Variants in QSOX2 observed in about 807,000 individuals in gnomAD.
QSOX2 encodes the protein sulfhydryl oxidase 2.
In QSOX2, 46 loss-of-function variants were observed where a neutral mutation model predicts 61.7. The observed-to-expected ratio is 0.75, with a 90% CI of 0.59 to 0.95. The LOEUF is 0.95. Among genes scored for constraint, QSOX2 ranks in the 40% least tolerant of loss-of-function variants. The pLI, the probability that QSOX2 is intolerant of heterozygous loss-of-function variation, is 0.00. For synonymous variants in QSOX2, 383 were observed against 388.4 expected, an observed-to-expected ratio of 0.99 and a Z score of 0.16; for missense variants, 879 against 918.9, an observed-to-expected ratio of 0.96 and a Z score of 0.56.
chr9:136,218,571 G>A, intron 8 of QSOX2, 108 bp downstream of exon 8: 5 of 1,321,400 alleles, frequency 3.8e-6, no homozygotes, highest in South Asian at 1.5e-5. Context: ...AAGGTGGAGA[G>A]CACCTCAGCG....
chr9:136,209,268 C>T lies in QSOX2; in HGVS notation c.1557G>A (p.Leu519=), dbSNP rs779554999. 8 of 1,611,716 alleles carry T rather than the reference C, an allele frequency of 5.0e-6. No individual in the cohort carries two copies. In the Admixed American group the frequency reaches 1.3e-4, roughly 27 times the overall value. Residue 519 remains leucine (L), a synonymous_variant, in exon 12 of 12, where the codon CTG becomes CTA. Coordinates refer to ENST00000358701, the MANE Select transcript of QSOX2 (RefSeq NM_181701.4). This position sits in a 1 kb window ranked among gnomAD's most constrained non-coding sequence, Gnocchi z 5.6. The stretch of plus-strand genomic sequence containing the variant: ...GCTTTGGAAACCGGGGATCCTCACT[C>T]AGATGGCCTAGGAAGAAAAGGAAGC... ...NMVNGRLAGH[L]SEDPRFPKLQ...
chr9:136,229,515 A>G (rs79329498), intron 1 of QSOX2, among the ~76,000 whole-genome samples: 1 of 151,492 alleles, frequency 6.6e-6, no homozygotes, highest in Non-Finnish European at 1.5e-5. Flanking sequence ...CACTTTTTTT[A>G]AAAAAAAGCA....
At chr9:136,218,272 T>C (rs1472309751) in intron 8 of QSOX2, among the ~76,000 whole-genome samples, 1 of 152,106 alleles carries the variant, frequency 6.6e-6, no homozygotes, top group African/African-American at 2.4e-5. Flanking sequence ...GTGGGGCAGA[T>C]GCACACCCCA....
rs1356736933 is a variant in QSOX2, at chr9:136,209,366, A to T, written c.1550-91T>A. The T allele has an allele frequency of 2.6e-6, 4 of 1,541,444 alleles. No individual in the cohort carries two copies. Among genetic ancestry groups the T allele is most frequent in the Non-Finnish European group, 3.5e-6 (4 of 1,143,732 alleles). On this transcript the variant is annotated intron_variant, in intron 11 of 11. Transcript: ENST00000358701. This position sits in a 1 kb window ranked among gnomAD's most constrained non-coding sequence, Gnocchi z 5.6. Reference sequence around the variant, plus strand: ...GGCAACCGGACTCCCACTCCCACCCACCACGGGCCTCCACTGCCCTGGCCC... The same window carrying T: ...GGCAACCGGACTCCCACTCCCACCCTCCACGGGCCTCCACTGCCCTGGCCC...
At chr9:136,229,127 C>A (rs1830307802) in intron 1 of QSOX2, among the ~76,000 whole-genome samples, 1 of 152,174 alleles carries the variant, frequency 6.6e-6, no homozygotes, top group Admixed American at 6.5e-5. Context: ...AAACAATGAC[C>A]AAATACCGTT....
rs767952000 is a variant in QSOX2 at position 136,215,156 on chromosome 9, G to A, written c.1358C>T (p.Thr453Ile). The A allele has an allele frequency of 6.2e-7, 1 of 1,613,554 alleles. No individual in the cohort carries two copies. The highest frequency in any genetic ancestry group is 8.5e-7 in the Non-Finnish European group (1 of 1,179,864). ...TGGCCTGTATGGGCACAGCTTACCT[G>A]TGCCAACCAGTGCATCTGGGTGGGT... is the stretch of plus-strand genomic sequence containing the variant. ...ASTHPDALVG[T>I]GFEDDPQAVL... is the part of the protein sequence containing the mutation. The change falls in exon 10 of 12, where the codon ACA becomes ATA. Residue 453 changes from threonine to isoleucine, a missense_variant and splice_region_variant. Coordinates refer to ENST00000358701, the MANE Select transcript of QSOX2 (RefSeq NM_181701.4).
intron 1 of QSOX2, among the ~76,000 whole-genome samples, chr9:136,238,142 A>G (rs1830405313): frequency 6.6e-6 from 1 of 152,170 alleles, no homozygotes; most frequent in Admixed American, 6.5e-5. Context: ...CCTGTGCAAC[A>G]CCCCAACATG....
chr9:136,232,318 T>C (rs943099031), intron 1 of QSOX2, among the ~76,000 whole-genome samples: 4 of 152,194 alleles, frequency 2.6e-5, no homozygotes, highest in Non-Finnish European at 5.9e-5. Context: ...AGGGGTCACC[T>C]TGACCAATAT....
Position 136,209,574 on chromosome 9 carries a change from A to G in QSOX2, c.1550-299T>C. On this transcript the variant is annotated intron_variant, in intron 11 of 11. Coordinates refer to ENST00000358701, the MANE Select transcript of QSOX2 (RefSeq NM_181701.4). The surrounding 1 kb of genome is among the most constrained non-coding windows in gnomAD (Gnocchi z 5.6). The stretch of plus-strand genomic sequence containing the variant: ...CACTTCCCAGACCACACCTGTCCCA[A>G]ACCACCCAGCACTCCACTTCCAAAA... The G allele has an allele frequency of 4.1e-6, 4 of 985,260 alleles. No homozygotes were observed. Among genetic ancestry groups the G allele is most frequent in the Non-Finnish European group, 4.8e-6 (4 of 829,860 alleles). 61.0% of individuals were successfully genotyped at this position (985,260 alleles called of 1,614,324 possible).
chr9:136,233,793 G>A (rs1205638765), intron 1 of QSOX2, among the ~76,000 whole-genome samples: 1 of 152,226 alleles, frequency 6.6e-6, no homozygotes, highest in African/African-American at 2.4e-5. Flanking sequence ...ACCATCACCT[G>A]GCAGGACTCT....
chr9:136,220,446 G>A (rs571704875), intron 6 of QSOX2, among the ~76,000 whole-genome samples: 2 of 152,350 alleles, frequency 1.3e-5, no homozygotes, highest in Admixed American at 6.5e-5. Flanking sequence ...CAGGAAACAC[G>A]TCCTATCTTC....
At chr9:136,219,901 G>C (rs184412285) in intron 6 of QSOX2, among the ~76,000 whole-genome samples, 2 of 152,376 alleles carry the variant, frequency 1.3e-5, no homozygotes, top group African/African-American at 4.8e-5. Context: ...GCCAAGTGCA[G>C]TGCTGTGCCC....
chr9:136,226,921 C>T (rs376601960), intron 1 of QSOX2, 47 bp from the exon 2 acceptor site: 49 of 1,558,122 alleles, frequency 3.1e-5, no homozygotes, highest in Non-Finnish European at 4.2e-5. Flanking sequence ...ACTGGACTCC[C>T]GGGAAGCCCA....
rs201265810 is a variant in QSOX2 at position 136,226,106 on chromosome 9, A to C, written c.429+668T>G. Among the ~76,000 whole-genome samples, 13 of 152,334 alleles carry C rather than the reference A, an allele frequency of 8.5e-5. No individual in the cohort carries two copies. In the East Asian group the frequency reaches 2.5e-3, roughly 29 times the overall value. Reference sequence around the variant, plus strand: ...ACCATGACATGACACCACACCACACAGCAAGGCACCAGGGCTGACAAGGAC... The same window carrying C: ...ACCATGACATGACACCACACCACACCGCAAGGCACCAGGGCTGACAAGGAC... On this transcript the variant is annotated intron_variant, in intron 2 of 11. Coordinates refer to ENST00000358701, the MANE Select transcript of QSOX2 (RefSeq NM_181701.4).
intron 10 of QSOX2, among the ~76,000 whole-genome samples, chr9:136,213,530 A>G (rs934637319): frequency 2.6e-5 from 4 of 151,782 alleles, no homozygotes; most frequent in African/African-American, 9.7e-5. Context: ...TTTCTGTATG[A>G]TTATGAAAAG....
intron 6 of QSOX2, 31 bp from the exon 7 acceptor site, chr9:136,219,195 G>A (rs370446026): frequency 2.0e-5 from 32 of 1,600,178 alleles, no homozygotes; most frequent in African/African-American, 1.8e-4. Flanking sequence ...AAGGTGAGAA[G>A]AGCCTCCTTT....
intron 1 of QSOX2, 44 bp downstream of exon 1, chr9:136,245,432 C>G: frequency 1.3e-6 from 2 of 1,509,902 alleles, no homozygotes; most frequent in East Asian, 2.5e-5. Context: ...CGGAAGGCCG[C>G]GGTCCCGGGG....
At chr9:136,210,089 G>A (rs545195530) in intron 11 of QSOX2, 695 of 985,466 alleles carry the variant, frequency 7.1e-4, no homozygotes, top group Non-Finnish European at 7.3e-4. Flanking sequence ...GTCACTGACT[G>A]CGTGCTTATC....
Position 136,218,981 on chromosome 9 carries a change from G to C in QSOX2, c.956+49C>G, listed in dbSNP as rs576312795. The C allele has an allele frequency of 5.6e-6, 9 of 1,605,148 alleles. No homozygotes were observed. In the African/African-American group the frequency reaches 1.1e-4, roughly 19 times the overall value. ...CCCGCCCTGCAAGCACGCAGCCTTC[G>C]GTCTACACGCACTGTCTCCGGGGGC... On this transcript the variant is annotated intron_variant, in intron 7 of 11. Coordinates refer to ENST00000358701, the MANE Select transcript of QSOX2 (RefSeq NM_181701.4).
Sources: gnomAD v4.1 joint callset for allele counts (sites outside exome capture counted in the v4.1 genomes callset) on GRCh38, gnomAD v4.1.1 for gene constraint, Gnocchi (gnomAD v3.1) non-coding constraint, MANE v1.5 for transcripts, NCBI Gene and HGNC (gene_info 2026-07-23, HGNC 2026-07-21) for gene names.